Variants in GRK4 observed in about 807,000 individuals in gnomAD.
GRK4 encodes G protein-coupled receptor kinase 2-like.
In GRK4, 73 loss-of-function variants were observed where a neutral mutation model predicts 77.9. The ratio of observed to expected loss-of-function variants is 0.94; its 90% CI spans 0.78 to 1.14. The LOEUF (loss-of-function observed/expected upper bound fraction) is 1.14, where lower values mean the gene tolerates loss of function less well. Among genes scored for constraint, GRK4 ranks in the 50% most tolerant of loss-of-function variants. GRK4 has a pLI of 0.00. For synonymous variants in GRK4, 257 were observed against 254.4 expected, an observed-to-expected ratio of 1.01 and a Z score of -0.10; for missense variants, 729 against 700.2, an observed-to-expected ratio of 1.04 and a Z score of -0.46.
chr4:2,964,316 G>A (rs1366047405), intron 1 of GRK4, among the ~76,000 whole-genome samples, 194 bp downstream of exon 1: 4 of 152,190 alleles, frequency 2.6e-5, no homozygotes, highest in African/African-American at 7.2e-5. Flanking sequence ...CAGGCTGCCC[G>A]GGCCAGGTCC....
At chr4:3,009,769 TGA>T in intron 7 of GRK4, 58 bp downstream of exon 7, 1 of 1,287,304 alleles carries the variant, frequency 7.8e-7, no homozygotes, top group Non-Finnish European at 1.1e-6. Flanking sequence ...AGCAAGGTCC[TGA>T]GAACATGGCT....
intron 1 of GRK4, chr4:2,970,859 A>T (rs1211580687): frequency 6.6e-6 from 1 of 151,598 alleles, no homozygotes; most frequent in Non-Finnish European, 1.5e-5. Context: ...TTTAGTAGAG[A>T]TGGAGTTTCA....
In GRK4 at chr4:3,014,280, T is replaced by TTC. The variant is rs1292010975; in HGVS notation, c.741+468_741+469dup. 1.6e-3 allele frequency among the ~76,000 whole-genome samples: 231 copies of TTC among 145,478 alleles called. 2 individuals carry two copies. Among genetic ancestry groups the TTC allele is most frequent in the Middle Eastern group, 0.011 (3 of 282 alleles). On this transcript the variant is annotated intron_variant, in intron 8 of 15. Transcript: ENST00000398052. The stretch of plus-strand genomic sequence containing the variant: ...TGACTTGGCTGTGCTTGAGGATACC[T>TTC]TCTCTCTCTCTCTCTCTTTTTTTTT...
Position 2,964,070 on chromosome 4 carries a change from C to G in GRK4, c.-1C>G, listed in dbSNP as rs1403540951. ...TCCGCCGGCGGCGGCGGCGCCAGGACATGGAGCTCGAGAACATCGTGGCCA... is the reference window on the plus strand; with the variant it reads ...TCCGCCGGCGGCGGCGGCGCCAGGAGATGGAGCTCGAGAACATCGTGGCCA... On this transcript the variant is annotated 5_prime_UTR_variant, in exon 1 of 16. Coordinates refer to ENST00000398052, the MANE Select transcript of GRK4 (RefSeq NM_182982.3). The G allele has an allele frequency of 6.2e-7, 1 of 1,609,126 alleles. No homozygotes were observed. Among genetic ancestry groups the G allele is most frequent in the Non-Finnish European group, 8.5e-7 (1 of 1,179,088 alleles).
chr4:2,988,831 G>C lies in GRK4; in HGVS notation c.253G>C (p.Asp85His). The change falls in exon 3 of 16, where the codon GAT (aspartate) becomes CAT (histidine). Residue 85 changes from aspartate to histidine, a missense_variant. Coordinates refer to ENST00000398052, the MANE Select transcript of GRK4 (RefSeq NM_182982.3). Reference protein sequence around the residue: ...PTLKRHIEFLDAVAEYEVADD... With the variant: ...PTLKRHIEFLHAVAEYEVADD... ...TCTAAAGAGGCACATTGAATTCTTG[G>C]ATGCAGTGGTGAGCAGTTTATCTCC... 1 of 1,591,772 alleles carries C rather than the reference G, an allele frequency of 6.3e-7. No individual in the cohort carries two copies. The highest frequency in any genetic ancestry group is 8.6e-7 in the Non-Finnish European group (1 of 1,159,790).
intron 1 of GRK4, 118 bp downstream of exon 1, chr4:2,964,240 C>G: frequency 1.1e-6 from 1 of 881,556 alleles, no homozygotes; most frequent in South Asian, 1.6e-5. Context: ...CTGGAGAGCC[C>G]CGACACCTCC....
intron 4 of GRK4, among the ~76,000 whole-genome samples, chr4:3,001,369 A>ATTT (rs55673089): frequency 6.5e-5 from 5 of 76,940 alleles, no homozygotes; most frequent in African/African-American, 3.1e-4. Context: ...ATATATATAT[A>ATTT]TTTTTTTTTT....
chr4:2,982,230 T>C (rs1723072264), intron 1 of GRK4, among the ~76,000 whole-genome samples: 1 of 152,226 alleles, frequency 6.6e-6, no homozygotes, highest in Non-Finnish European at 1.5e-5. Flanking sequence ...CACCTGTTCC[T>C]GGCTTCCGCC....
chr4:3,005,902 T>TG (rs143487677), intron 5 of GRK4, among the ~76,000 whole-genome samples: 7,082 of 152,126 alleles, frequency 0.047, 259 homozygotes, highest in African/African-American at 0.096. Flanking sequence ...AGGAGCTGGG[T>TG]GGTTTAGATG....
chr4:2,984,043 G>A (rs1723569714), intron 1 of GRK4, among the ~76,000 whole-genome samples: 1 of 152,042 alleles, frequency 6.6e-6, no homozygotes, highest in African/African-American at 2.4e-5. Context: ...TCCCTCCCTC[G>A]ACATGTGGGT....
chr4:2,988,606 A>G, intron 2 of GRK4, 121 bp from the exon 3 acceptor site: 2 of 587,156 alleles, frequency 3.4e-6, no homozygotes, highest in Non-Finnish European at 6.2e-6. Context: ...AGATGAAAAT[A>G]ATACGGCAAA....
intron 3 of GRK4, among the ~76,000 whole-genome samples, chr4:2,991,788 A>G (rs147464261): frequency 0.02 from 3,040 of 152,296 alleles, 102 homozygotes; most frequent in African/African-American, 0.068. Context: ...CTGTGGTTAC[A>G]GGCATGAGCC....
chr4:3,004,512 A>G (rs1730741018), intron 5 of GRK4, among the ~76,000 whole-genome samples, 178 bp downstream of exon 5: 1 of 152,194 alleles, frequency 6.6e-6, no homozygotes, highest in African/African-American at 2.4e-5. Flanking sequence ...ATCTGTGTGT[A>G]ACTTTTGACT....
intron 12 of GRK4, among the ~76,000 whole-genome samples, chr4:3,033,445 A>G (rs958177910): frequency 6.6e-6 from 1 of 152,192 alleles, no homozygotes; most frequent in African/African-American, 2.4e-5. Flanking sequence ...TGGGGGATAC[A>G]CACATTCAGA....
At chr4:2,965,191 G>C in intron 1 of GRK4, 1 of 681,672 alleles carries the variant, frequency 1.5e-6, no homozygotes, top group Non-Finnish European at 2.7e-6. Context: ...CTGAGCTGGT[G>C]CGTACCTTAA....
At chr4:2,993,878 A>G (rs1251279824) in intron 4 of GRK4, among the ~76,000 whole-genome samples, 1 of 152,242 alleles carries the variant, frequency 6.6e-6, no homozygotes, top group East Asian at 1.9e-4. Context: ...GGAGAATGGA[A>G]TTAGTGAATA....
intron 4 of GRK4, among the ~76,000 whole-genome samples, chr4:2,993,178 T>C (rs567152536): frequency 6.6e-6 from 1 of 152,328 alleles, no homozygotes; most frequent in East Asian, 1.9e-4. Context: ...AAAAATAACA[T>C]TTTTTCCTAA....
intron 11 of GRK4, 114 bp from the exon 12 acceptor site, chr4:3,029,087 T>C (rs1738421448): frequency 1.2e-6 from 1 of 806,762 alleles, no homozygotes; most frequent in African/African-American, 1.7e-5. Flanking sequence ...ATAATGTTTT[T>C]AAGGTTCGTC....
At chr4:2,967,409 G>A (rs765284291) in intron 1 of GRK4, among the ~76,000 whole-genome samples, 6 of 152,094 alleles carry the variant, frequency 3.9e-5, no homozygotes, top group South Asian at 2.1e-4. Context: ...ATTTTGTTTC[G>A]TTTTGTTTTG....
Sources: allele counts gnomAD v4.1 joint callset (sites outside exome capture counted in the v4.1 genomes callset), GRCh38; gene constraint gnomAD v4.1.1; transcripts MANE v1.5; gene names NCBI Gene and HGNC (gene_info 2026-07-23, HGNC 2026-07-21).